The following MEIS2 variants were observed in gnomAD, a reference collection of about 807,000 sequenced individuals.
MEIS2 encodes the protein Meis homeobox 2.
MEIS2 carries 9 observed loss-of-function variants against 58.6 expected under a neutral mutation model. The ratio of observed to expected loss-of-function variants is 0.15; its 90% CI spans 0.09 to 0.27. MEIS2 has a LOEUF of 0.27. Ranked by LOEUF, MEIS2 falls within the 10% of genes least tolerant of loss-of-function variation. The pLI is 1.00. For missense variants in MEIS2, 427 were observed against 635.0 expected (o/e 0.67, Z 3.52); for synonymous variants, 221 against 228.4 (o/e 0.97, Z 0.29).
intron 7 of MEIS2, among the ~76,000 whole-genome samples, chr15:37,054,712 C>T (rs1188273706): frequency 1.3e-5 from 2 of 152,246 alleles, no homozygotes; most frequent in Non-Finnish European, 1.5e-5. Flanking sequence ...GCCACCGTGC[C>T]CAGCATAACT....
intron 9 of MEIS2, among the ~76,000 whole-genome samples, chr15:36,928,827 C>T (rs1447808846): frequency 6.6e-6 from 1 of 152,028 alleles, no homozygotes; most frequent in African/African-American, 2.4e-5. Context: ...TCTATCTTCC[C>T]CTGTGGGCCA....
rs982272684 is a variant in MEIS2 at position 37,025,313 on chromosome 15, C to G, written c.900+11501G>C. 2.0e-5 allele frequency among the ~76,000 whole-genome samples: 3 copies of G among 152,196 alleles called. No homozygotes were observed. The East Asian group carries it at 5.8e-4, about 29-fold the overall frequency. ...ACAATGAGGTAAGAAAACGAGCACT[C>G]AGATAAATTAAATAACTTGCTCAAA... is the stretch of plus-strand genomic sequence containing the variant. On this transcript the variant is annotated intron_variant, in intron 8 of 11. Transcript: ENST00000561208.
chr15:36,984,611 G>A (rs916555241), intron 8 of MEIS2, among the ~76,000 whole-genome samples: 4 of 152,126 alleles, frequency 2.6e-5, no homozygotes, highest in African/African-American at 7.2e-5. Flanking sequence ...CATAAGATGA[G>A]TTTGGAAGTG....
chr15:37,072,593 G>A (rs1368789535), intron 7 of MEIS2, among the ~76,000 whole-genome samples: 4 of 152,030 alleles, frequency 2.6e-5, no homozygotes, highest in Non-Finnish European at 4.4e-5. Flanking sequence ...GCGCCTTCGC[G>A]CTGGCTGTTT....
rs562775470 is a variant in MEIS2 at position 36,937,805 on chromosome 15, C to A, written c.977+12519G>T. Among the ~76,000 whole-genome samples the A allele has an allele frequency of 2.0e-5, 3 of 152,268 alleles. No individual in the cohort carries two copies. The South Asian group carries it at 6.2e-4, about 32-fold the overall frequency. On this transcript the variant is annotated intron_variant, in intron 9 of 11. Coordinates refer to ENST00000561208, the MANE Select transcript of MEIS2 (RefSeq NM_170675.5). The stretch of plus-strand genomic sequence containing the variant: ...AAAAACCATGATGTAATTCCACACT[C>A]TTAAAAGACTTTTTACCCTCACAAC...
At chr15:36,994,916 T>G (rs899797648) in intron 8 of MEIS2, among the ~76,000 whole-genome samples, 1 of 152,230 alleles carries the variant, frequency 6.6e-6, no homozygotes, top group Admixed American at 6.5e-5. Flanking sequence ...AGGATCAGTC[T>G]AGCCAGAATT....
chr15:36,917,119 T>C (rs1471707091), intron 9 of MEIS2, among the ~76,000 whole-genome samples: 1 of 152,178 alleles, frequency 6.6e-6, no homozygotes, highest in Non-Finnish European at 1.5e-5. Flanking sequence ...AAAGACCTTC[T>C]GGGAACCAAC....
At chr15:36,944,700 G>A (rs2058497888) in intron 9 of MEIS2, among the ~76,000 whole-genome samples, 1 of 152,092 alleles carries the variant, frequency 6.6e-6, no homozygotes, top group African/African-American at 2.4e-5. Context: ...GATTCAAATG[G>A]ATTTTTATTC....
At chr15:37,041,266 G>T (rs1476171200) in intron 7 of MEIS2, among the ~76,000 whole-genome samples, 1 of 152,152 alleles carries the variant, frequency 6.6e-6, no homozygotes, top group Non-Finnish European at 1.5e-5. Flanking sequence ...TAGGTGTGGG[G>T]CCCTGTTAAT....
chr15:36,959,706 A>G (rs992175064), intron 8 of MEIS2, among the ~76,000 whole-genome samples: 1 of 152,218 alleles, frequency 6.6e-6, no homozygotes, highest in Admixed American at 6.5e-5. Flanking sequence ...AACTTTATAC[A>G]TGTAAAGAAC....
At chr15:36,934,257 C>G (rs1242377830) in intron 9 of MEIS2, among the ~76,000 whole-genome samples, 10 of 151,858 alleles carry the variant, frequency 6.6e-5, no homozygotes, top group Admixed American at 3.3e-4. Context: ...AACATATCCA[C>G]CCATTTGTGT....
Position 37,082,871 on chromosome 15 carries a change from GCTGTTAAA to G in MEIS2, c.754+892_754+899del, listed in dbSNP as rs150984838. Among the ~76,000 whole-genome samples, 1,118 of 152,158 alleles carry G rather than the reference GCTGTTAAA, an allele frequency of 7.3e-3. 8 individuals are homozygous for G. The highest frequency in any genetic ancestry group is 0.024 in the Middle Eastern group (7 of 292). ...AATGGCATATATAACTACAGCTCGA[GCTGTTAAA>G]CTGTCCTCTACTTGGAAGCCTGTCT... On this transcript the variant is annotated intron_variant, in intron 7 of 11. Coordinates refer to ENST00000561208, the MANE Select transcript of MEIS2 (RefSeq NM_170675.5).
At chr15:37,061,655 A>G (rs943248628) in intron 7 of MEIS2, among the ~76,000 whole-genome samples, 5 of 152,164 alleles carry the variant, frequency 3.3e-5, no homozygotes, top group African/African-American at 1.2e-4. Context: ...TGCCTTTAAC[A>G]CTTTAAAAAA....
At chr15:36,938,938 A>G (rs566843407) in intron 9 of MEIS2, among the ~76,000 whole-genome samples, 1 of 152,258 alleles carries the variant, frequency 6.6e-6, no homozygotes, top group East Asian at 1.9e-4. Flanking sequence ...ACCTTCCTCC[A>G]TGCTGTCCCC....
chr15:36,895,110 C>A, intron 11 of MEIS2, 41 bp downstream of exon 11: 1 of 1,533,790 alleles, frequency 6.5e-7, no homozygotes, highest in Non-Finnish European at 9.0e-7. Flanking sequence ...GAGCAGGTGG[C>A]ACTTCCCAGG....
At chr15:37,032,185 C>T (rs1370573385) in intron 8 of MEIS2, among the ~76,000 whole-genome samples, 1 of 152,064 alleles carries the variant, frequency 6.6e-6, no homozygotes, top group Non-Finnish European at 1.5e-5. Context: ...GAGCTTTATC[C>T]CTATGTTTTC....
rs117446168 is a variant in MEIS2, at chr15:37,060,429, A to G, written c.754+23342T>C. The stretch of plus-strand genomic sequence containing the variant: ...GGTATTTCAGTGTTCTACAAACCGT[A>G]TCATGGAGTGTTCAATTAAGCACAT... On this transcript the variant is annotated intron_variant, in intron 7 of 11. Transcript: ENST00000561208. Among the ~76,000 whole-genome samples, 1,206 of 152,306 alleles carry G rather than the reference A, an allele frequency of 7.9e-3. 11 individuals carry two copies. Among genetic ancestry groups the G allele is most frequent in the Non-Finnish European group, 0.012 (829 of 68,024 alleles).
intron 7 of MEIS2, among the ~76,000 whole-genome samples, chr15:37,050,186 CACAA>C (rs1451462464): frequency 6.6e-6 from 1 of 152,146 alleles, no homozygotes; most frequent in Non-Finnish European, 1.5e-5. Flanking sequence ...AGAATACTTC[CACAA>C]ACAGATACAC....
At position 36,943,599 on chromosome 15, in the gene MEIS2, A is replaced by T. The variant is rs138170082; in HGVS notation, c.977+6725T>A. 3.8e-3 allele frequency among the ~76,000 whole-genome samples: 583 copies of T among 152,168 alleles called. 1 individual carries two copies. Among genetic ancestry groups the T allele is most frequent in the African/African-American group, 0.014 (562 of 41,536 alleles). On this transcript the variant is annotated intron_variant, in intron 9 of 11. Coordinates refer to ENST00000561208, the MANE Select transcript of MEIS2 (RefSeq NM_170675.5). ...TGGAACTGTTTCAGAAACTTGTTGC[A>T]TTCCTTTTTTGTTGTTTTGTGTTTT...
Sources: gnomAD v4.1 joint callset for allele counts (sites outside exome capture counted in the v4.1 genomes callset) on GRCh38, gnomAD v4.1.1 for gene constraint, MANE v1.5 for transcripts, NCBI Gene and HGNC (gene_info 2026-07-23, HGNC 2026-07-21) for gene names.